SUN2: variants seen among roughly 807,000 people sequenced by gnomAD.
The protein encoded by SUN2 is SUN domain-containing protein 2.
Under a neutral mutation model 100.0 loss-of-function variants are expected in SUN2, and 60 were observed. The ratio of observed to expected loss-of-function variants is 0.60; its 90% CI spans 0.49 to 0.74. The LOEUF (loss-of-function observed/expected upper bound fraction) is 0.74, where lower values mean the gene tolerates loss of function less well. SUN2 is among the 30% of genes least tolerant of loss of function. The probability of loss-of-function intolerance (pLI) is 0.00; values close to 1 mark genes in which losing one functional copy is unlikely to be tolerated. For synonymous variants in SUN2, 367 were observed against 403.3 expected (o/e 0.91, Z 1.08); for missense variants, 834 against 954.6 (o/e 0.87, Z 1.66).
At chr22:38,754,989 G>T (rs774643175) in intron 1 of SUN2, 322 of 1,286,370 alleles carry the variant, frequency 2.5e-4, no homozygotes, top group Non-Finnish European at 3.2e-4. Context: ...CTACTACTGC[G>T]AATCATAATA....
Position 38,737,833 on chromosome 22 carries a change from A to C in SUN2, c.2040+340T>G. The C allele has an allele frequency of 2.0e-6, 1 of 504,182 alleles. No individual in the cohort carries two copies. 31.2% of individuals were successfully genotyped at this position (504,182 alleles called of 1,614,324 possible). A position where few individuals can be genotyped will look rare whatever the true frequency, so the allele number is the denominator to read the frequency against. ...GCCTGAGGCTCCAGCTGGCCATGGT[A>C]GAATGCCCGCGCCCTGGCATGTGCT... is the stretch of plus-strand genomic sequence containing the variant. On this transcript the variant is annotated intron_variant, in intron 17 of 17. Coordinates refer to ENST00000689035, the MANE Select transcript of SUN2 (RefSeq NM_015374.3). This position sits in a 1 kb window ranked among gnomAD's most constrained non-coding sequence, Gnocchi z 4.1.
chr22:38,750,735 G>T (rs1319415969), intron 4 of SUN2, among the ~76,000 whole-genome samples, 163 bp downstream of exon 4: 1 of 152,232 alleles, frequency 6.6e-6, no homozygotes. Context: ...GGCACCAGGG[G>T]CCACCGCAGG....
rs2092982013 is a variant in SUN2 at position 38,755,930 on chromosome 22, G to C, written c.-205C>G. ...CGCGAAGAGCGGCGACGCGGGACAA[G>C]GCGGGCGGGCGGACAATGCGGCCGG... On this transcript the variant is annotated 5_prime_UTR_variant, in exon 1 of 18. Transcript: ENST00000689035. This position sits in a 1 kb window ranked among gnomAD's most constrained non-coding sequence, Gnocchi z 5.7. The C allele has an allele frequency of 1.0e-6, 1 of 982,998 alleles. No individual in the cohort carries two copies. The highest frequency in any genetic ancestry group is 6.2e-5 in the Admixed American group (1 of 16,044). The allele number at this position is 982,998 out of a possible 1,614,324, so 60.9% of individuals were successfully genotyped here.
intron 7 of SUN2, among the ~76,000 whole-genome samples, chr22:38,746,028 G>A (rs1157846236): frequency 2.6e-5 from 4 of 152,188 alleles, no homozygotes; most frequent in Admixed American, 6.5e-5. Flanking sequence ...ACACCCCCAC[G>A]GGAATCCTTC....
intron 10 of SUN2, 64 bp downstream of exon 10, chr22:38,741,430 A>C: frequency 6.6e-7 from 1 of 1,522,558 alleles, no homozygotes; most frequent in Non-Finnish European, 9.1e-7. Context: ...GAGGGGTCCG[A>C]GGTGAACATG....
At position 38,755,757 on chromosome 22, in the gene SUN2, A is replaced by ACT. The variant is rs1302713095; in HGVS notation, c.-38+4_-38+5dup. ...CCAACCCTCTCCTGAGCTCGCCCGC[A>ACT]CTCACCTGCTGCCGCGGCGGCTTCT... is the stretch of plus-strand genomic sequence containing the variant. On this transcript the variant is annotated splice_donor_region_variant and intron_variant, in intron 1 of 17. Transcript: ENST00000689035. This position sits in a 1 kb window ranked among gnomAD's most constrained non-coding sequence, Gnocchi z 5.7. The ACT allele has an allele frequency of 1.4e-5, 14 of 984,384 alleles. No homozygotes were observed. The Admixed American group carries it at 8.6e-4, about 61-fold the overall frequency. The allele number at this position is 984,384 out of a possible 1,614,324, so 61.0% of individuals were successfully genotyped here. A position where few individuals can be genotyped will look rare whatever the true frequency, so the allele number is the denominator to read the frequency against.
At chr22:38,753,656 T>C (rs943879498) in intron 1 of SUN2, among the ~76,000 whole-genome samples, 4 of 152,196 alleles carry the variant, frequency 2.6e-5, no homozygotes, top group Admixed American at 6.5e-5. Context: ...GGTAAGATGA[T>C]GATAAAATGG....
intron 7 of SUN2, 143 bp from the exon 8 acceptor site, chr22:38,745,954 G>A: frequency 7.7e-7 from 1 of 1,291,044 alleles, no homozygotes. Flanking sequence ...TCAGAGGGAT[G>A]CAGGTGCCCC....
Position 38,738,564 on chromosome 22 carries a change from C to T in SUN2, c.1947+23G>A, listed in dbSNP as rs2092827293. 6.2e-7 allele frequency: 1 copy of T among 1,604,588 alleles called. No individual in the cohort carries two copies. The highest frequency in any genetic ancestry group is 8.5e-7 in the Non-Finnish European group (1 of 1,172,912). ...AGGATCCCCCTGCAGCCCCTCTGGC[C>T]CCACCACAGGACAGATACTCACAAA... On this transcript the variant is annotated intron_variant, in intron 16 of 17. Coordinates refer to ENST00000689035, the MANE Select transcript of SUN2 (RefSeq NM_015374.3). The surrounding 1 kb of genome is among the most constrained non-coding windows in gnomAD (Gnocchi z 6.6).
rs745416866 is a variant in SUN2, at chr22:38,734,994, C to T, written c.*1273G>A. 1 of 303,434 alleles carries T rather than the reference C, an allele frequency of 3.3e-6. No homozygotes were observed. Among genetic ancestry groups the T allele is most frequent in the Non-Finnish European group, 6.5e-6 (1 of 154,104 alleles). 18.8% of individuals were successfully genotyped at this position (303,434 alleles called of 1,614,324 possible). A position where few individuals can be genotyped will look rare whatever the true frequency, so the allele number is the denominator to read the frequency against. ...CCACCAGACACAGCCGGAACCAGTG[C>T]CCCAGGCCCCTCTCCACGGCCAGGA... On this transcript the variant is annotated 3_prime_UTR_variant, in exon 18 of 18. Transcript: ENST00000689035.
At chr22:38,752,245 C>T (rs1017675348) in intron 2 of SUN2, among the ~76,000 whole-genome samples, 2 of 152,222 alleles carry the variant, frequency 1.3e-5, no homozygotes, top group South Asian at 2.1e-4. Flanking sequence ...CGTGAGCCAC[C>T]GCGCCCGACC....
At chr22:38,747,820 G>A (rs1177443087) in intron 7 of SUN2, among the ~76,000 whole-genome samples, 2 of 152,150 alleles carry the variant, frequency 1.3e-5, no homozygotes, top group Non-Finnish European at 2.9e-5. Flanking sequence ...CTGCATGCCT[G>A]TAATCCCAGC....
intron 5 of SUN2, 25 bp from the exon 6 acceptor site, chr22:38,749,884 A>T: frequency 6.2e-7 from 1 of 1,603,076 alleles, no homozygotes; most frequent in South Asian, 1.1e-5. Context: ...ATCAAGCCGA[A>T]GGCTCCATAT....
intron 5 of SUN2, 142 bp downstream of exon 5, chr22:38,750,083 G>A: frequency 7.4e-7 from 1 of 1,344,206 alleles, no homozygotes; most frequent in Non-Finnish European, 1.0e-6. Context: ...ACAGCTCTGG[G>A]CTCCCAGTGA....
chr22:38,746,989 G>T lies in SUN2; in HGVS notation c.686-1178C>A, dbSNP rs545762713. Among the ~76,000 whole-genome samples, 3 of 150,670 alleles carry T rather than the reference G, an allele frequency of 2.0e-5. No homozygotes were observed. The South Asian group carries it at 6.3e-4, about 32-fold the overall frequency. Reference sequence around the variant, plus strand: ...GTGGAGCTTGCAGTGAGTCAAGATCGCACGACTGCACTCCAGCCTGGGCGA... The same window carrying T: ...GTGGAGCTTGCAGTGAGTCAAGATCTCACGACTGCACTCCAGCCTGGGCGA... On this transcript the variant is annotated intron_variant, in intron 7 of 17. Transcript: ENST00000689035.
intron 7 of SUN2, among the ~76,000 whole-genome samples, chr22:38,746,234 G>C (rs770501509): frequency 6.6e-6 from 1 of 152,120 alleles, no homozygotes; most frequent in Non-Finnish European, 1.5e-5. Context: ...GGGCCCCTGC[G>C]TAGGTGAGTT....
intron 9 of SUN2, 124 bp from the exon 10 acceptor site, chr22:38,741,695 C>G: frequency 2.3e-6 from 2 of 875,696 alleles, no homozygotes; most frequent in African/African-American, 3.3e-5. Context: ...TGGCTCTCAG[C>G]CTTCTCTGAA....
intron 7 of SUN2, 79 bp downstream of exon 7, chr22:38,748,634 C>T: frequency 6.4e-7 from 1 of 1,555,780 alleles, no homozygotes; most frequent in Non-Finnish European, 8.9e-7. Context: ...AGTCTTGCCC[C>T]TTCCCTGCCT....
chr22:38,736,716 T>G, intron 17 of SUN2: 1 of 200,020 alleles, frequency 5.0e-6, no homozygotes, highest in Non-Finnish European at 1.0e-5. Flanking sequence ...TTTTCTCCAG[T>G]GCCCATCGGG....
Sources: gnomAD v4.1 joint callset for allele counts (sites outside exome capture counted in the v4.1 genomes callset) on GRCh38, gnomAD v4.1.1 for gene constraint, Gnocchi (gnomAD v3.1) non-coding constraint, MANE v1.5 for transcripts, NCBI Gene and HGNC (gene_info 2026-07-23, HGNC 2026-07-21) for gene names.